LRRC4C: variants seen among roughly 807,000 people sequenced by gnomAD.
LRRC4C encodes leucine-rich repeat-containing protein 4C.
In LRRC4C, 5 loss-of-function variants were observed where a neutral mutation model predicts 33.6. That is an observed-to-expected ratio of 0.15 (90% CI 0.08 to 0.31). LRRC4C has a LOEUF of 0.31. LRRC4C is among the 10% of genes least tolerant of loss of function. The probability of loss-of-function intolerance (pLI) is 1.00; values close to 1 mark genes in which losing one functional copy is unlikely to be tolerated. For missense variants in LRRC4C, 560 were observed against 796.7 expected (o/e 0.70, Z 3.58); for synonymous variants, 329 against 302.0 (o/e 1.09, Z -0.93).
chr11:40,148,917 G>C (rs1857965507), intron 5 of LRRC4C, among the ~76,000 whole-genome samples: 1 of 152,170 alleles, frequency 6.6e-6, no homozygotes, highest in African/African-American at 2.4e-5. Flanking sequence ...AGTTACCCCA[G>C]CACTATTAAT....
chr11:40,383,896 G>C (rs924145889), intron 3 of LRRC4C, among the ~76,000 whole-genome samples: 40 of 135,996 alleles, frequency 2.9e-4, no homozygotes, highest in South Asian at 4.6e-4. Flanking sequence ...TGTTGCCCAG[G>C]CTCCCTTGCT....
At chr11:41,373,232 CAT>C (rs1173500290) in intron 1 of LRRC4C, among the ~76,000 whole-genome samples, 2 of 151,870 alleles carry the variant, frequency 1.3e-5, no homozygotes, top group African/African-American at 4.8e-5. Context: ...ATTTTAATAG[CAT>C]ATATATACTG....
chr11:40,803,362 T>C (rs1371768318), intron 2 of LRRC4C, among the ~76,000 whole-genome samples: 6 of 152,176 alleles, frequency 3.9e-5, no homozygotes, highest in African/African-American at 1.4e-4. Context: ...AGCCTGCCCC[T>C]TAACTGAAAG....
chr11:40,490,676 G>A (rs772436951), intron 3 of LRRC4C, among the ~76,000 whole-genome samples: 1 of 152,140 alleles, frequency 6.6e-6, no homozygotes, highest in Non-Finnish European at 1.5e-5. Context: ...TGAAGATACT[G>A]AAGGGAATAA....
In LRRC4C at chr11:41,155,494, C is replaced by T. The variant is rs111799579; in HGVS notation, c.-495-221771G>A. 6.4e-3 allele frequency among the ~76,000 whole-genome samples: 975 copies of T among 152,182 alleles called. 15 individuals carry two copies. The highest frequency in any genetic ancestry group is 0.022 in the African/African-American group (901 of 41,548). ...GTCTGCCTGAATCAATGATACGAAA[C>T]GTTTAACTTCTTCCTTTACCCTATG... On this transcript the variant is annotated intron_variant, in intron 1 of 6. Coordinates refer to ENST00000528697, the MANE Select transcript of LRRC4C (RefSeq NM_001258419.2).
chr11:41,391,747 A>G (rs1213096084), intron 1 of LRRC4C, among the ~76,000 whole-genome samples: 1 of 151,940 alleles, frequency 6.6e-6, no homozygotes, highest in Non-Finnish European at 1.5e-5. Context: ...ATAAAAAGTA[A>G]ACACATATTT....
At chr11:40,707,844 CT>C (rs762638091) in intron 2 of LRRC4C, among the ~76,000 whole-genome samples, 6 of 151,884 alleles carry the variant, frequency 4.0e-5, no homozygotes, top group Admixed American at 1.3e-4. Context: ...TGGTCCTGGA[CT>C]TTTTTTTGGT....
At chr11:41,412,525 G>A (rs1196745798) in intron 1 of LRRC4C, among the ~76,000 whole-genome samples, 2 of 152,102 alleles carry the variant, frequency 1.3e-5, no homozygotes, top group African/African-American at 4.8e-5. Context: ...CTGAAATGGA[G>A]GGTGATTAAG....
chr11:41,130,807 C>T (rs1942976343), intron 1 of LRRC4C, among the ~76,000 whole-genome samples: 2 of 151,906 alleles, frequency 1.3e-5, no homozygotes, highest in African/African-American at 4.8e-5. Flanking sequence ...GTGTATAATA[C>T]TTCTATATTT....
chr11:40,662,020 T>C (rs2861992), intron 2 of LRRC4C, among the ~76,000 whole-genome samples: 55,441 of 152,192 alleles, frequency 0.36, 11,256 homozygotes, highest in East Asian at 0.61. Flanking sequence ...GGACAGTATG[T>C]GTGTTACACA....
chr11:41,068,000 A>G (rs1305666998), intron 1 of LRRC4C, among the ~76,000 whole-genome samples: 1 of 152,208 alleles, frequency 6.6e-6, no homozygotes, highest in Non-Finnish European at 1.5e-5. Flanking sequence ...TAAAAGAACT[A>G]AAGAAGCAAG....
intron 3 of LRRC4C, among the ~76,000 whole-genome samples, chr11:40,543,598 A>G (rs1471116846): frequency 6.6e-6 from 1 of 152,112 alleles, no homozygotes; most frequent in East Asian, 1.9e-4. Flanking sequence ...CTGGATGGCA[A>G]ACAAGGATAA....
intron 2 of LRRC4C, among the ~76,000 whole-genome samples, chr11:40,741,718 A>AT (rs1280193222): frequency 6.6e-6 from 1 of 152,064 alleles, no homozygotes; most frequent in Non-Finnish European, 1.5e-5. Context: ...CTTAGTAAAG[A>AT]TTTTTCAATG....
intron 5 of LRRC4C, among the ~76,000 whole-genome samples, chr11:40,185,048 T>C (rs185460234): frequency 5.1e-4 from 78 of 152,278 alleles, no homozygotes; most frequent in African/African-American, 1.8e-3. Flanking sequence ...TAAGAATCTG[T>C]TATCAGCTAA....
rs35497785 is a variant in LRRC4C at position 40,582,513 on chromosome 11, G to GTTT, written c.-270+65626_-270+65628dup. Among the ~76,000 whole-genome samples, 16 of 115,580 alleles carry GTTT rather than the reference G, an allele frequency of 1.4e-4. 1 individual carries two copies. Among genetic ancestry groups the GTTT allele is most frequent in the African/African-American group, 2.6e-4 (8 of 30,858 alleles). The allele number at this position is 115,580 out of a possible 152,430, so 75.8% of individuals were successfully genotyped here. On this transcript the variant is annotated intron_variant, in intron 3 of 6. Coordinates refer to ENST00000528697, the MANE Select transcript of LRRC4C (RefSeq NM_001258419.2). ...CGTACTTATTTCTCTCCCTTGTTCAGTTTTTTTTTTTTTTTTTTTTTTAAT... is the reference window on the plus strand; with the variant it reads ...CGTACTTATTTCTCTCCCTTGTTCAGTTTTTTTTTTTTTTTTTTTTTTTTTAAT...
intron 3 of LRRC4C, among the ~76,000 whole-genome samples, chr11:40,527,654 C>T (rs529910924): frequency 6.6e-6 from 1 of 152,170 alleles, no homozygotes; most frequent in South Asian, 2.1e-4. Context: ...ATGAATTTGT[C>T]TTTGGAAAAG....
At chr11:41,423,179 G>A (rs1039578206) in intron 1 of LRRC4C, among the ~76,000 whole-genome samples, 1 of 152,000 alleles carries the variant, frequency 6.6e-6, no homozygotes, top group African/African-American at 2.4e-5. Context: ...GATTTAACAG[G>A]GTTGGTGGAG....
chr11:40,870,324 G>A (rs1184090189), intron 2 of LRRC4C, among the ~76,000 whole-genome samples: 1 of 152,068 alleles, frequency 6.6e-6, no homozygotes, highest in East Asian at 1.9e-4. Context: ...AATTGGTGGT[G>A]CATGGGATAT....
chr11:40,878,536 T>C (rs6485237), intron 2 of LRRC4C, among the ~76,000 whole-genome samples: 147,168 of 152,176 alleles, frequency 0.97, 71,358 homozygotes, highest in East Asian at 1. Flanking sequence ...GAATTTAATG[T>C]CATCGCTTAT....
Sources: allele counts gnomAD v4.1 joint callset (sites outside exome capture counted in the v4.1 genomes callset), GRCh38; gene constraint gnomAD v4.1.1; transcripts MANE v1.5; gene names NCBI Gene and HGNC (gene_info 2026-07-23, HGNC 2026-07-21).